The following PCCA variants were observed in gnomAD, a reference collection of about 807,000 sequenced individuals.
The protein encoded by PCCA is propionyl-CoA carboxylase subunit alpha, also known as propionyl-CoA carboxylase alpha chain, mitochondrial.
In PCCA, 74 loss-of-function variants were observed where a neutral mutation model predicts 101.3. The ratio of observed to expected loss-of-function variants is 0.73; its 90% CI spans 0.61 to 0.89. PCCA has a LOEUF of 0.89. PCCA is among the 40% of genes least tolerant of loss of function. PCCA has a pLI of 0.00. For synonymous variants in PCCA, 294 were observed against 313.6 expected, an observed-to-expected ratio of 0.94 and a Z score of 0.66; for missense variants, 891 against 907.0, an observed-to-expected ratio of 0.98 and a Z score of 0.23.
At chr13:100,200,558 A>C (rs781685766) in intron 6 of PCCA, among the ~76,000 whole-genome samples, 6 of 151,680 alleles carry the variant, frequency 4.0e-5, no homozygotes, top group Non-Finnish European at 7.4e-5. Context: ...ATATACATAT[A>C]TATTAACAGG....
intron 4 of PCCA, among the ~76,000 whole-genome samples, chr13:100,114,461 C>T (rs1176677736): frequency 2.6e-5 from 4 of 151,936 alleles, no homozygotes; most frequent in South Asian, 4.2e-4. Flanking sequence ...AAATTAGCCG[C>T]GTGTGGTGGC....
intron 21 of PCCA, among the ~76,000 whole-genome samples, chr13:100,481,861 G>C (rs2083967861): frequency 6.6e-6 from 1 of 152,156 alleles, no homozygotes; most frequent in African/African-American, 2.4e-5. Flanking sequence ...CTTGGATAAG[G>C]GGGGACTACT....
chr13:100,252,764 A>G (rs759874586), intron 8 of PCCA, among the ~76,000 whole-genome samples: 7 of 152,272 alleles, frequency 4.6e-5, no homozygotes, highest in Non-Finnish European at 1.0e-4. Context: ...TTCCACATCC[A>G]AACTGTCGCT....
intron 4 of PCCA, among the ~76,000 whole-genome samples, chr13:100,134,423 A>G (rs543837711): frequency 6.6e-6 from 1 of 152,192 alleles, no homozygotes; most frequent in African/African-American, 2.4e-5. Context: ...TACACACACA[A>G]AAAAAATCCT....
intron 8 of PCCA, among the ~76,000 whole-genome samples, chr13:100,240,583 A>T (rs921952868): frequency 6.6e-6 from 1 of 151,896 alleles, no homozygotes; most frequent in Non-Finnish European, 1.5e-5. Flanking sequence ...TGATTTGCAG[A>T]TTTTTTTTAT....
intron 21 of PCCA, among the ~76,000 whole-genome samples, chr13:100,466,638 T>C (rs1209028650): frequency 1.3e-5 from 2 of 152,114 alleles, no homozygotes; most frequent in African/African-American, 4.8e-5. Context: ...ACAATTACCC[T>C]TCTGAGGTCA....
intron 19 of PCCA, among the ~76,000 whole-genome samples, chr13:100,401,546 GTTTT>G (rs1241095159): frequency 6.6e-6 from 1 of 150,944 alleles, no homozygotes; most frequent in African/African-American, 2.5e-5. Context: ...CCAGCCAACT[GTTTT>G]TTTGTGTTTT....
At chr13:100,256,954 T>C (rs2062115574) in intron 8 of PCCA, among the ~76,000 whole-genome samples, 1 of 152,218 alleles carries the variant, frequency 6.6e-6, no homozygotes. Flanking sequence ...TAGCTGGAAG[T>C]GTGCTTTGTT....
Position 100,248,925 on chromosome 13 carries a change from T to G in PCCA, c.638-8670T>G, listed in dbSNP as rs374157957. Among the ~76,000 whole-genome samples, 62 of 152,066 alleles carry G rather than the reference T, an allele frequency of 4.1e-4. No individual in the cohort carries two copies. In the East Asian group the frequency reaches 0.011, roughly 28 times the overall value. On this transcript the variant is annotated intron_variant, in intron 8 of 23. Transcript: ENST00000376285. ...CCACGCCTGGCTAATTTTTTTTTTT[T>G]GTACTTGTAGTAGAGATGGGGTTTT...
rs947824202 is a variant in PCCA at position 100,285,508 on chromosome 13, C to T, written c.1065+12162C>T. ...GTTTAAGTGTAGTTGCAGCAGTGGC[C>T]GTCTTAGTGTCAGAGACTATCAAAA... On this transcript the variant is annotated intron_variant, in intron 12 of 23. Coordinates refer to ENST00000376285, the MANE Select transcript of PCCA (RefSeq NM_000282.4). Among the ~76,000 whole-genome samples the T allele has an allele frequency of 1.3e-4, 20 of 152,158 alleles. 1 individual carries two copies. Among genetic ancestry groups the T allele is most frequent in the Admixed American group, 1.1e-3 (17 of 15,292 alleles).
chr13:100,168,852 C>G (rs930335171), intron 6 of PCCA, among the ~76,000 whole-genome samples: 1 of 152,108 alleles, frequency 6.6e-6, no homozygotes, highest in Non-Finnish European at 1.5e-5. Flanking sequence ...GGGGACCTTT[C>G]AAGAAAAGGT....
At chr13:100,163,142 T>C (rs2054663535) in intron 6 of PCCA, among the ~76,000 whole-genome samples, 1 of 152,152 alleles carries the variant, frequency 6.6e-6, no homozygotes, top group South Asian at 2.1e-4. Context: ...GTCAGATACT[T>C]TTAGGGCTTG....
chr13:100,339,939 C>A (rs1338058480), intron 17 of PCCA, among the ~76,000 whole-genome samples: 2 of 152,170 alleles, frequency 1.3e-5, no homozygotes, highest in East Asian at 1.9e-4. Flanking sequence ...AATTAAACTT[C>A]TTTCCCAATA....
chr13:100,142,396 G>A (rs1463730056), intron 4 of PCCA, among the ~76,000 whole-genome samples: 1 of 151,506 alleles, frequency 6.6e-6, no homozygotes, highest in Non-Finnish European at 1.5e-5. Flanking sequence ...CGTCTTTATA[G>A]TACCTCTTGT....
intron 6 of PCCA, among the ~76,000 whole-genome samples, chr13:100,198,641 G>A (rs2058278371): frequency 6.6e-6 from 1 of 152,086 alleles, no homozygotes; most frequent in Non-Finnish European, 1.5e-5. Context: ...TGGGATAACA[G>A]GTGCACACCA....
rs935742479 is a variant in PCCA, at chr13:100,142,633, C to A, written c.301-12346C>A. On this transcript the variant is annotated intron_variant, in intron 4 of 23. Coordinates refer to ENST00000376285, the MANE Select transcript of PCCA (RefSeq NM_000282.4). ...GGATTACAAGTGCGTGCCACGACAT[C>A]CAGCTAATTTTTATATTTTTAGTAG... Among the ~76,000 whole-genome samples, 12 of 152,182 alleles carry A rather than the reference C, an allele frequency of 7.9e-5. No homozygotes were observed. In the South Asian group the frequency reaches 1.0e-3, roughly 13 times the overall value.
At chr13:100,316,963 G>A (rs1203861694) in intron 16 of PCCA, among the ~76,000 whole-genome samples, 2 of 151,864 alleles carry the variant, frequency 1.3e-5, no homozygotes, top group East Asian at 1.9e-4. Context: ...TAGTAGAGAC[G>A]GGGTTTCACC....
intron 21 of PCCA, among the ~76,000 whole-genome samples, chr13:100,457,103 G>A (rs574093713): frequency 5.9e-5 from 9 of 152,206 alleles, no homozygotes; most frequent in African/African-American, 1.2e-4. Context: ...TATGCCCGCC[G>A]GTTATTCCTA....
In PCCA at chr13:100,371,019, A is replaced by G. The variant is rs114536687; in HGVS notation, c.1746+2445A>G. On this transcript the variant is annotated intron_variant, in intron 19 of 23. Transcript: ENST00000376285. ...AATTTTTAGGAGTTTAAATTATAAG[A>G]TATTTCTAATAAGGAAAGTACAGCA... Among the ~76,000 whole-genome samples the G allele has an allele frequency of 5.9e-3, 897 of 152,324 alleles. 11 individuals carry two copies. The highest frequency in any genetic ancestry group is 0.021 in the African/African-American group (868 of 41,572).
Sources: gnomAD v4.1 joint callset for allele counts (sites outside exome capture counted in the v4.1 genomes callset) on GRCh38, gnomAD v4.1.1 for gene constraint, MANE v1.5 for transcripts, NCBI Gene and HGNC (gene_info 2026-07-23, HGNC 2026-07-21) for gene names.